The following TSHZ2 variants were observed in gnomAD, a reference collection of about 807,000 sequenced individuals.
The protein encoded by TSHZ2 is teashirt zinc finger homeobox 2.
TSHZ2 carries 21 observed loss-of-function variants against 74.4 expected under a neutral mutation model. That is an observed-to-expected ratio of 0.28 (90% CI 0.20 to 0.41). TSHZ2 has a LOEUF of 0.41. Among genes scored for constraint, TSHZ2 ranks in the 10% least tolerant of loss-of-function variants. The pLI is 1.00. For synonymous variants in TSHZ2, 540 were observed against 515.3 expected (o/e 1.05, Z -0.65); for missense variants, 1,244 against 1,293.5 (o/e 0.96, Z 0.59).
chr20:53,336,405 A>C lies in TSHZ2; in HGVS notation c.*8+79834A>C, dbSNP rs1456624707. Among the ~76,000 whole-genome samples the C allele has an allele frequency of 2.0e-5, 3 of 152,220 alleles. No homozygotes were observed. The East Asian group carries it at 5.8e-4, about 29-fold the overall frequency. ...GTAGCTAGTATATTTTATTAAACCT[A>C]AGAAGCTGCAGATTATAAGATGTGT... On this transcript the variant is annotated intron_variant, in intron 2 of 2. Coordinates refer to ENST00000371497, the MANE Select transcript of TSHZ2 (RefSeq NM_173485.6).
chr20:53,406,744 G>A (rs1043519019), intron 2 of TSHZ2, among the ~76,000 whole-genome samples: 2 of 152,160 alleles, frequency 1.3e-5, no homozygotes, highest in Non-Finnish European at 1.5e-5. Flanking sequence ...CAAGTCAGGC[G>A]ATGAAAGGTG....
intron 1 of TSHZ2, among the ~76,000 whole-genome samples, chr20:53,024,454 A>G (rs990845133): frequency 1.4e-4 from 22 of 151,832 alleles, no homozygotes; most frequent in African/African-American, 4.8e-4. Flanking sequence ...TAGGAGAAGA[A>G]CATTAAACCA....
chr20:53,193,987 A>G (rs1988801613), intron 1 of TSHZ2, among the ~76,000 whole-genome samples: 1 of 152,172 alleles, frequency 6.6e-6, no homozygotes, highest in Non-Finnish European at 1.5e-5. Context: ...CACAAGTTGT[A>G]TTGCTTGACC....
intron 1 of TSHZ2, among the ~76,000 whole-genome samples, chr20:53,226,793 CTACCTCA>C (rs1413775095): frequency 2.0e-5 from 3 of 152,126 alleles, no homozygotes; most frequent in Admixed American, 6.5e-5. Context: ...ACCCCCATTC[CTACCTCA>C]TCCAGTTGGA....
At chr20:53,200,868 T>C (rs1013395685) in intron 1 of TSHZ2, among the ~76,000 whole-genome samples, 2 of 152,228 alleles carry the variant, frequency 1.3e-5, no homozygotes, top group African/African-American at 4.8e-5. Flanking sequence ...AGAGATTTGC[T>C]TTAAAATAAT....
At chr20:53,084,904 G>C (rs1034944239) in intron 1 of TSHZ2, among the ~76,000 whole-genome samples, 1 of 152,018 alleles carries the variant, frequency 6.6e-6, no homozygotes, top group Non-Finnish European at 1.5e-5. Flanking sequence ...GGTTTTTTCT[G>C]TGTAGACATT....
At chr20:53,145,685 G>A (rs1027663697) in intron 1 of TSHZ2, among the ~76,000 whole-genome samples, 1 of 152,168 alleles carries the variant, frequency 6.6e-6, no homozygotes, top group African/African-American at 2.4e-5. Context: ...GTCATTGCTT[G>A]GAAGCTTCTA....
chr20:53,125,577 A>G (rs1986926202), intron 1 of TSHZ2, among the ~76,000 whole-genome samples: 2 of 152,078 alleles, frequency 1.3e-5, no homozygotes, highest in South Asian at 4.1e-4. Context: ...TTCCCACCCT[A>G]CGTTCCTGCA....
intron 1 of TSHZ2, among the ~76,000 whole-genome samples, chr20:53,121,663 T>C (rs1296810901): frequency 1.3e-5 from 2 of 152,240 alleles, no homozygotes; most frequent in African/African-American, 4.8e-5. Context: ...AGTTATTTTC[T>C]GATTTTTAAA....
chr20:52,974,714 C>A (rs2122852116), intron 1 of TSHZ2, among the ~76,000 whole-genome samples: 1 of 152,220 alleles, frequency 6.6e-6, no homozygotes, highest in South Asian at 2.1e-4. Flanking sequence ...AGTGGGCATC[C>A]CTTGTCTGAA....
chr20:53,490,546 C>T lies in TSHZ2; in HGVS notation c.*3411C>T, dbSNP rs899011336. ...GAAACAGCTTAAAAATAGGTCAAGA[C>T]CTAAAAACAGAATATAATCACGGAA... On this transcript the variant is annotated 3_prime_UTR_variant, in exon 3 of 3. Coordinates refer to ENST00000371497, the MANE Select transcript of TSHZ2 (RefSeq NM_173485.6). 1.2e-4 allele frequency: 18 copies of T among 152,220 alleles called. No homozygotes were observed. The highest frequency in any genetic ancestry group is 4.3e-4 in the African/African-American group (18 of 41,534). The allele number at this position is 152,220 out of a possible 1,614,324, so 9.4% of individuals were successfully genotyped here. A position where few individuals can be genotyped will look rare whatever the true frequency, so the allele number is the denominator to read the frequency against.
intron 1 of TSHZ2, among the ~76,000 whole-genome samples, chr20:53,105,709 C>T (rs1161882640): frequency 6.6e-6 from 1 of 152,028 alleles, no homozygotes; most frequent in Non-Finnish European, 1.5e-5. Context: ...TGCAGTGGTG[C>T]AATCACACCC....
chr20:53,394,356 A>G (rs1211758141), intron 2 of TSHZ2, among the ~76,000 whole-genome samples: 1 of 152,110 alleles, frequency 6.6e-6, no homozygotes, highest in African/African-American at 2.4e-5. Context: ...TGTGCTTATC[A>G]GTTTTATTAT....
chr20:53,003,755 A>C (rs191402665), intron 1 of TSHZ2, among the ~76,000 whole-genome samples: 1 of 152,312 alleles, frequency 6.6e-6, no homozygotes, highest in African/African-American at 2.4e-5. Context: ...TCAGTGCTGG[A>C]AAGATGCGAG....
intron 1 of TSHZ2, among the ~76,000 whole-genome samples, chr20:53,150,697 G>A (rs1196290889): frequency 2.0e-5 from 3 of 150,650 alleles, no homozygotes; most frequent in Admixed American, 1.3e-4. Context: ...GAAGGAAGGA[G>A]GAGAGGAAGG....
intron 1 of TSHZ2, among the ~76,000 whole-genome samples, chr20:53,092,994 T>C (rs1052492482): frequency 6.6e-6 from 1 of 152,188 alleles, no homozygotes. Context: ...GAGCCGGATA[T>C]GGCCCTGGGA....
At chr20:53,462,568 C>T (rs1037043514) in intron 2 of TSHZ2, among the ~76,000 whole-genome samples, 2 of 152,226 alleles carry the variant, frequency 1.3e-5, no homozygotes, top group African/African-American at 4.8e-5. Flanking sequence ...ACCTTCTACG[C>T]AAGCTTCCCA....
At chr20:53,278,903 T>C (rs1414988220) in intron 2 of TSHZ2, among the ~76,000 whole-genome samples, 1 of 152,216 alleles carries the variant, frequency 6.6e-6, no homozygotes, top group African/African-American at 2.4e-5. Flanking sequence ...AGATAACTTT[T>C]GACTTCACGA....
chr20:53,367,839 G>A (rs984923386), intron 2 of TSHZ2, among the ~76,000 whole-genome samples: 1 of 152,076 alleles, frequency 6.6e-6, no homozygotes, highest in Non-Finnish European at 1.5e-5. Context: ...CCAAAGTGCT[G>A]GGATTACAGG....
Sources: allele counts gnomAD v4.1 joint callset (sites outside exome capture counted in the v4.1 genomes callset), GRCh38; gene constraint gnomAD v4.1.1; transcripts MANE v1.5; gene names NCBI Gene and HGNC (gene_info 2026-07-23, HGNC 2026-07-21).